STPG2: variants seen among roughly 807,000 people sequenced by gnomAD.
STPG2 encodes sperm tail PG-rich repeat containing 2.
Under a neutral mutation model 54.2 loss-of-function variants are expected in STPG2, and 56 were observed. The observed-to-expected ratio is 1.03, with a 90% CI of 0.83 to 1.29. The LOEUF (loss-of-function observed/expected upper bound fraction) is 1.29. Ranked by LOEUF, STPG2 falls within the 50% of genes most tolerant of loss-of-function variation. The pLI, the probability that STPG2 is intolerant of heterozygous loss-of-function variation, is 0.00. For synonymous variants in STPG2, 200 were observed against 181.8 expected (o/e 1.10, Z -0.81); for missense variants, 596 against 544.9 (o/e 1.09, Z -0.93).
intron 5 of STPG2, among the ~76,000 whole-genome samples, chr4:97,984,438 C>A (rs1369931438): frequency 6.6e-6 from 1 of 152,180 alleles, no homozygotes; most frequent in Non-Finnish European, 1.5e-5. Context: ...AACCACCGCA[C>A]CCGCCCTGTT....
intron 9 of STPG2, among the ~76,000 whole-genome samples, chr4:97,769,312 A>T (rs953296639): frequency 6.6e-6 from 1 of 152,184 alleles, no homozygotes; most frequent in African/African-American, 2.4e-5. Context: ...TAAGTGTTCC[A>T]GTTGCTGCAG....
intron 8 of STPG2, among the ~76,000 whole-genome samples, chr4:97,931,641 T>A (rs960359617): frequency 9.3e-5 from 6 of 64,660 alleles, no homozygotes; most frequent in Non-Finnish European, 3.0e-4. Flanking sequence ...GCTTGAAGTT[T>A]TTTTGTTTTT....
At chr4:97,889,379 G>C (rs754029208) in intron 8 of STPG2, among the ~76,000 whole-genome samples, 1 of 152,230 alleles carries the variant, frequency 6.6e-6, no homozygotes, top group East Asian at 1.9e-4. Context: ...CATGTTTATT[G>C]CCACATTATT....
intron 4 of STPG2, among the ~76,000 whole-genome samples, chr4:97,476,130 A>G (rs1730066497): frequency 6.6e-6 from 1 of 152,162 alleles, no homozygotes; most frequent in African/African-American, 2.4e-5. Context: ...TTAATTTTTA[A>G]TGTGGTAAAT....
Position 97,712,747 on chromosome 4 carries a change from C to T in STPG2, c.1272G>A (p.Lys424=). ...CPIPLFVKAS[K]RFEESKEITP... ...TAATCTCTTTGGACTCTTCAAAGCGCTTTGATGCTTTCACAAATAAGGGTA... is the reference window on the plus strand; with the variant it reads ...TAATCTCTTTGGACTCTTCAAAGCGTTTTGATGCTTTCACAAATAAGGGTA... Residue 424 remains lysine (K), a synonymous_variant, in exon 10 of 11, where the codon AAG becomes AAA. Coordinates refer to ENST00000295268, the MANE Select transcript of STPG2 (RefSeq NM_174952.3). 1 of 1,609,952 alleles carries T rather than the reference C, an allele frequency of 6.2e-7. No individual in the cohort carries two copies.
intron 5 of STPG2, among the ~76,000 whole-genome samples, chr4:97,992,455 T>G (rs1735052657): frequency 6.6e-6 from 1 of 152,222 alleles, no homozygotes; most frequent in Admixed American, 6.5e-5. Context: ...TCCATTGGTC[T>G]GTGTGCCTAT....
At chr4:97,616,057 A>AATATATATATATATATATATATAT (rs70953077) in intron 10 of STPG2, among the ~76,000 whole-genome samples, 2 of 37,394 alleles carry the variant, frequency 5.3e-5, no homozygotes, top group Non-Finnish European at 5.0e-5. Flanking sequence ...AATACATATA[A>AATATATATATATATATATATATAT]ATATATATAT....
chr4:97,876,775 G>C (rs1254464342), intron 8 of STPG2, among the ~76,000 whole-genome samples: 2 of 151,788 alleles, frequency 1.3e-5, no homozygotes, highest in Admixed American at 6.6e-5. Context: ...TTTCATTAAA[G>C]GTTGCATTTT....
At chr4:97,714,143 C>A (rs1201310034) in intron 9 of STPG2, among the ~76,000 whole-genome samples, 2 of 152,048 alleles carry the variant, frequency 1.3e-5, no homozygotes, top group African/African-American at 4.8e-5. Flanking sequence ...TAATAAAATA[C>A]AAAATTAATT....
chr4:98,093,623 C>G (rs1738756320), intron 5 of STPG2, among the ~76,000 whole-genome samples: 1 of 152,188 alleles, frequency 6.6e-6, no homozygotes, highest in Admixed American at 6.5e-5. Flanking sequence ...GTTTTGACTT[C>G]ATAACGCTAA....
At chr4:98,139,298 T>C (rs184231424) in intron 1 of STPG2, among the ~76,000 whole-genome samples, 11 of 152,284 alleles carry the variant, frequency 7.2e-5, no homozygotes, top group Non-Finnish European at 1.3e-4. Flanking sequence ...AGGACTGGCC[T>C]GGCCAAGCAG....
chr4:97,677,075 T>A (rs1436161615), intron 10 of STPG2, among the ~76,000 whole-genome samples: 5 of 151,988 alleles, frequency 3.3e-5, no homozygotes, highest in African/African-American at 1.2e-4. Context: ...AAGTATGAGG[T>A]AAAAAAAATT....
At chr4:97,775,129 TAGAA>T (rs1726335819) in intron 9 of STPG2, among the ~76,000 whole-genome samples, 1 of 152,094 alleles carries the variant, frequency 6.6e-6, no homozygotes, top group African/African-American at 2.4e-5. Context: ...GGCGCATAAA[TAGAA>T]AGGAATGTAA....
chr4:97,485,483 G>A (rs1200214187), intron 4 of STPG2, among the ~76,000 whole-genome samples: 1 of 151,418 alleles, frequency 6.6e-6, no homozygotes, highest in Non-Finnish European at 1.5e-5. Flanking sequence ...AAAAAACTTA[G>A]GAATATACTT....
At chr4:97,944,727 A>G (rs956766081) in intron 7 of STPG2, among the ~76,000 whole-genome samples, 1 of 152,164 alleles carries the variant, frequency 6.6e-6, no homozygotes, top group Non-Finnish European at 1.5e-5. Context: ...AATTTGACAC[A>G]TAGTAGCTAA....
intron 10 of STPG2, among the ~76,000 whole-genome samples, chr4:97,589,103 G>A (rs1426164090): frequency 6.6e-6 from 1 of 151,990 alleles, no homozygotes; most frequent in East Asian, 1.9e-4. Flanking sequence ...GTAGAAGATA[G>A]ATATCTATGT....
At chr4:98,133,691 G>C (rs2110167626) in intron 2 of STPG2, among the ~76,000 whole-genome samples, 1 of 152,102 alleles carries the variant, frequency 6.6e-6, no homozygotes, top group East Asian at 1.9e-4. Context: ...TAGGCTCTAT[G>C]ATCATACAAA....
chr4:98,045,004 T>A (rs1220509592), intron 5 of STPG2, among the ~76,000 whole-genome samples: 1 of 152,028 alleles, frequency 6.6e-6, no homozygotes, highest in Non-Finnish European at 1.5e-5. Flanking sequence ...CTAGCTGTTG[T>A]AGCAGTGCCC....
chr4:98,030,466 A>G (rs1736560043), intron 5 of STPG2, among the ~76,000 whole-genome samples: 1 of 152,214 alleles, frequency 6.6e-6, no homozygotes, highest in Admixed American at 6.6e-5. Context: ...ATACTGCCCA[A>G]ATAAATTTAT....
Sources: gnomAD v4.1 joint callset for allele counts (sites outside exome capture counted in the v4.1 genomes callset) on GRCh38, gnomAD v4.1.1 for gene constraint, MANE v1.5 for transcripts, NCBI Gene and HGNC (gene_info 2026-07-23, HGNC 2026-07-21) for gene names.